Variants in SPECC1 observed in about 807,000 individuals in gnomAD.
SPECC1 encodes the protein sperm antigen with calponin homology and coiled-coil domains 1, also known as cytospin-B.
Under a neutral mutation model 104.1 loss-of-function variants are expected in SPECC1, and 62 were observed. The observed-to-expected ratio is 0.60, with a 90% CI of 0.49 to 0.74. The LOEUF (loss-of-function observed/expected upper bound fraction) is 0.74, where lower values mean the gene tolerates loss of function less well. SPECC1 is among the 30% of genes least tolerant of loss of function. SPECC1 has a pLI of 0.00. For synonymous variants in SPECC1, 513 were observed against 501.6 expected, an observed-to-expected ratio of 1.02 and a Z score of -0.30; for missense variants, 1,306 against 1,310.5, an observed-to-expected ratio of 1.00 and a Z score of 0.05.
At chr17:20,251,864 A>G (rs2039645889) in intron 9 of SPECC1, among the ~76,000 whole-genome samples, 1 of 151,896 alleles carries the variant, frequency 6.6e-6, no homozygotes, top group African/African-American at 2.4e-5. Context: ...TTTATAAATA[A>G]AGAAAATAAG....
At chr17:20,276,948 A>G (rs1406576973) in intron 12 of SPECC1, among the ~76,000 whole-genome samples, 4 of 152,202 alleles carry the variant, frequency 2.6e-5, no homozygotes, top group Non-Finnish European at 4.4e-5. Context: ...GGCCAAGTCC[A>G]CTGGCCACTG....
rs1420130711 is a variant in SPECC1, at chr17:20,229,411, T to A, written c.2071+1791T>A. ...AAGTGCAGTGACCTCATCCCTGTAATCTCAGCACTTTGGGAGACTGAGGCA... is the reference window on the plus strand; with the variant it reads ...AAGTGCAGTGACCTCATCCCTGTAAACTCAGCACTTTGGGAGACTGAGGCA... On this transcript the variant is annotated intron_variant, in intron 5 of 14. Transcript: ENST00000395527. Among the ~76,000 whole-genome samples, 3 of 152,160 alleles carry A rather than the reference T, an allele frequency of 2.0e-5. No individual in the cohort carries two copies. The East Asian group carries it at 5.8e-4, about 29-fold the overall frequency.
chr17:20,158,793 CTG>C (rs1428055726), intron 3 of SPECC1, among the ~76,000 whole-genome samples: 2 of 152,164 alleles, frequency 1.3e-5, no homozygotes, highest in African/African-American at 2.4e-5. Flanking sequence ...CAAGGTCTGA[CTG>C]TCACCTGGGG....
intron 3 of SPECC1, among the ~76,000 whole-genome samples, chr17:20,139,836 G>A (rs2152558399): frequency 6.6e-6 from 1 of 152,166 alleles, no homozygotes; most frequent in South Asian, 2.1e-4. Flanking sequence ...CACCACGCCT[G>A]GCTAATTTTT....
intron 12 of SPECC1, among the ~76,000 whole-genome samples, chr17:20,289,701 A>G (rs1337210514): frequency 3.3e-5 from 5 of 152,224 alleles, no homozygotes; most frequent in Admixed American, 2.0e-4. Flanking sequence ...CCCCAGCTGC[A>G]CTGGACTGGG....
At chr17:20,211,752 TC>T (rs1415083066) in intron 4 of SPECC1, among the ~76,000 whole-genome samples, 2 of 152,220 alleles carry the variant, frequency 1.3e-5, no homozygotes, top group African/African-American at 4.8e-5. Context: ...GTTGGGCAGA[TC>T]CACAGAACCT....
intron 12 of SPECC1, among the ~76,000 whole-genome samples, chr17:20,271,995 A>AT (rs201314949): frequency 0.021 from 3,124 of 148,346 alleles, 39 homozygotes; most frequent in Admixed American, 0.04. Flanking sequence ...GTCGTTTGTG[A>AT]TTTTTTTTTC....
In SPECC1 at chr17:20,204,591, A is replaced by T. The variant is rs1567935474; in HGVS notation, c.542A>T (p.Asp181Val). 3.1e-6 allele frequency: 5 copies of T among 1,614,116 alleles called. No individual in the cohort carries two copies. The highest frequency in any genetic ancestry group is 1.7e-6 in the Non-Finnish European group (2 of 1,180,050). ...CTTTTGGCAGAAGCCAAAGCAAAAG[A>T]TAGTGAAATTAACAGGCTTCGAAGT... is the stretch of plus-strand genomic sequence containing the variant. ...RELLAEAKAKDSEINRLRSEL... is the reference protein window; with the variant it reads ...RELLAEAKAKVSEINRLRSEL... The change falls in exon 4 of 15, where the codon GAT becomes GTT. Residue 181 changes from aspartate to valine, a missense_variant. Transcript: ENST00000395527.
chr17:20,235,289 G>A (rs1191295526), intron 7 of SPECC1, among the ~76,000 whole-genome samples: 1 of 152,190 alleles, frequency 6.6e-6, no homozygotes, highest in African/African-American at 2.4e-5. Flanking sequence ...TTCCAGAAAT[G>A]TGAACAAGCC....
chr17:20,167,033 T>C (rs2033710310), intron 3 of SPECC1, among the ~76,000 whole-genome samples: 1 of 151,304 alleles, frequency 6.6e-6, no homozygotes, highest in African/African-American at 2.4e-5. Context: ...AGCCTAAGAG[T>C]ATGTTCTTTG....
intron 12 of SPECC1, among the ~76,000 whole-genome samples, chr17:20,276,467 T>G (rs1022069260): frequency 2.6e-5 from 4 of 152,232 alleles, no homozygotes; most frequent in Non-Finnish European, 4.4e-5. Flanking sequence ...GGGTTATGTC[T>G]TATAAATAGT....
intron 12 of SPECC1, among the ~76,000 whole-genome samples, chr17:20,264,457 ATTTTTTTTTTTTTTTTTT>A (rs10565315): frequency 5.4e-5 from 3 of 55,740 alleles, no homozygotes; most frequent in African/African-American, 6.5e-5. Flanking sequence ...TTGGAGACGG[ATTTTTTTTTTTTTTTTTT>A]TTTTTTTTTT....
chr17:20,234,745 CTGTT>C (rs2038805813), intron 7 of SPECC1, among the ~76,000 whole-genome samples: 1 of 152,232 alleles, frequency 6.6e-6, no homozygotes, highest in Non-Finnish European at 1.5e-5. Flanking sequence ...TTCTTAAGCT[CTGTT>C]TGCGTCCGTG....
chr17:20,308,762 G>A (rs762467493), intron 14 of SPECC1, among the ~76,000 whole-genome samples: 2 of 152,178 alleles, frequency 1.3e-5, no homozygotes, highest in African/African-American at 2.4e-5. Flanking sequence ...AAGGTGTGAG[G>A]AAACTTACAC....
At chr17:20,061,532 C>T (rs2152471505) in intron 1 of SPECC1, among the ~76,000 whole-genome samples, 1 of 152,290 alleles carries the variant, frequency 6.6e-6, no homozygotes, top group South Asian at 2.1e-4. Flanking sequence ...CTGGTAGATC[C>T]TTAAAGATGC....
chr17:20,163,878 T>TAA (rs2033401611), intron 3 of SPECC1, among the ~76,000 whole-genome samples: 1 of 152,156 alleles, frequency 6.6e-6, no homozygotes. Context: ...TCTCTCTTTA[T>TAA]ATGTGTGTAT....
At chr17:20,102,311 G>A (rs1198719897) in intron 2 of SPECC1, among the ~76,000 whole-genome samples, 1 of 152,222 alleles carries the variant, frequency 6.6e-6, no homozygotes, top group African/African-American at 2.4e-5. Flanking sequence ...CTACCCCCAG[G>A]AAACCTTTTA....
At chr17:20,044,583 A>C (rs986315853) in intron 1 of SPECC1, among the ~76,000 whole-genome samples, 9 of 152,362 alleles carry the variant, frequency 5.9e-5, no homozygotes, top group African/African-American at 1.4e-4. Context: ...TGTAGCAATA[A>C]AATGAAAGAA....
chr17:20,201,368 G>C (rs1341475328), intron 3 of SPECC1, among the ~76,000 whole-genome samples: 2 of 151,930 alleles, frequency 1.3e-5, no homozygotes, highest in Non-Finnish European at 2.9e-5. Flanking sequence ...TGTAGTTCCA[G>C]CTATTCGGGA....
Sources: gnomAD v4.1 joint callset for allele counts (sites outside exome capture counted in the v4.1 genomes callset) on GRCh38, gnomAD v4.1.1 for gene constraint, MANE v1.5 for transcripts, NCBI Gene and HGNC (gene_info 2026-07-23, HGNC 2026-07-21) for gene names.